The following LEPR variants were observed in gnomAD, a reference collection of about 807,000 sequenced individuals.
LEPR encodes the protein OB receptor.
In LEPR, 56 loss-of-function variants were observed where a neutral mutation model predicts 114.7. That is an observed-to-expected ratio of 0.49 (90% CI 0.39 to 0.61). LEPR has a LOEUF of 0.61. Ranked by LOEUF, LEPR falls within the 20% of genes least tolerant of loss-of-function variation. The pLI is 0.00. For missense variants in LEPR, 1,202 were observed against 1,352.9 expected (o/e 0.89, Z 1.75); for synonymous variants, 443 against 461.4 (o/e 0.96, Z 0.51).
intron 2 of LEPR, among the ~76,000 whole-genome samples, chr1:65,494,361 C>T (rs913775835): frequency 1.3e-5 from 2 of 152,120 alleles, no homozygotes; most frequent in African/African-American, 4.8e-5. Flanking sequence ...AAGTCATTAT[C>T]TCCCCTCCTC....
At chr1:65,518,909 CTTTCTTTCTCTCTTTCTCTG>C (rs1557636343) in intron 2 of LEPR, among the ~76,000 whole-genome samples, 12 of 88,082 alleles carry the variant, frequency 1.4e-4, no homozygotes, top group Middle Eastern at 5.3e-3. Flanking sequence ...TTCTTTCTTT[CTTTCTTTCTCTCTTTCTCTG>C]TTTCTTTCTT....
intron 2 of LEPR, among the ~76,000 whole-genome samples, chr1:65,456,400 C>G (rs1171614678): frequency 6.6e-6 from 1 of 152,118 alleles, no homozygotes; most frequent in Non-Finnish European, 1.5e-5. Context: ...CTGTCCATTT[C>G]TGACAGAGGA....
In LEPR at chr1:65,485,417, G is replaced by T. The variant is rs368988701; in HGVS notation, c.-21+60039G>T. On this transcript the variant is annotated intron_variant, in intron 2 of 19. Coordinates refer to ENST00000349533, the MANE Select transcript of LEPR (RefSeq NM_002303.6). ...TTTTACAAATGAAATAAAAGGCAAA[G>T]ATGAGGGAGCCAGGACCCAAACCCT... Among the ~76,000 whole-genome samples the T allele has an allele frequency of 3.3e-5, 5 of 152,224 alleles. 1 individual carries two copies.
chr1:65,464,885 A>AT (rs1369484787), intron 2 of LEPR, among the ~76,000 whole-genome samples: 2 of 152,104 alleles, frequency 1.3e-5, no homozygotes, highest in Non-Finnish European at 2.9e-5. Flanking sequence ...CCCTTTTATC[A>AT]TTTTTTATTG....
chr1:65,455,326 A>G (rs1346237203), intron 2 of LEPR, among the ~76,000 whole-genome samples: 30 of 152,276 alleles, frequency 2.0e-4, no homozygotes, highest in South Asian at 2.1e-4. Flanking sequence ...TTGCTGGTGA[A>G]GAACTGCATT....
intron 2 of LEPR, among the ~76,000 whole-genome samples, chr1:65,488,226 C>CTCTCTCTCTCTCTCTCTTTCTT (rs1553157734): frequency 8.8e-5 from 6 of 67,958 alleles, no homozygotes; most frequent in African/African-American, 2.6e-4. Context: ...CTCTCTCTCT[C>CTCTCTCTCTCTCTCTCTTTCTT]TCTTTCTTTC....
At chr1:65,518,899 T>TTCTTTC (rs1472264199) in intron 2 of LEPR, among the ~76,000 whole-genome samples, 1 of 98,986 alleles carries the variant, frequency 1.0e-5, no homozygotes, top group African/African-American at 3.6e-5. Flanking sequence ...CTTTCTTTCT[T>TTCTTTC]TCTTTCTTTC....
At chr1:65,522,884 G>C (rs952422491) in intron 2 of LEPR, among the ~76,000 whole-genome samples, 1 of 151,346 alleles carries the variant, frequency 6.6e-6, no homozygotes, top group Non-Finnish European at 1.5e-5. Context: ...ATGAGTCAGG[G>C]TGCTAATCTG....
chr1:65,453,755 C>T (rs1478697288), intron 2 of LEPR, among the ~76,000 whole-genome samples: 1 of 152,110 alleles, frequency 6.6e-6, no homozygotes, highest in East Asian at 1.9e-4. Context: ...AATGTATATT[C>T]TGTTGATTTG....
At chr1:65,510,502 C>T (rs903972324) in intron 2 of LEPR, among the ~76,000 whole-genome samples, 5 of 152,148 alleles carry the variant, frequency 3.3e-5, no homozygotes, top group Non-Finnish European at 7.4e-5. Context: ...GGCCTTTGCT[C>T]CTTCTTTCTG....
intron 2 of LEPR, among the ~76,000 whole-genome samples, chr1:65,438,216 A>C (rs1488707325): frequency 6.7e-6 from 1 of 149,128 alleles, no homozygotes; most frequent in Non-Finnish European, 1.5e-5. Context: ...TTAGGAAATG[A>C]AGTTGTGCTA....
intron 2 of LEPR, among the ~76,000 whole-genome samples, chr1:65,533,794 C>T (rs1267562323): frequency 6.6e-6 from 1 of 152,038 alleles, no homozygotes; most frequent in African/African-American, 2.4e-5. Context: ...AAACTTTAGT[C>T]AATTTGGAGT....
intron 2 of LEPR, among the ~76,000 whole-genome samples, chr1:65,531,987 T>C (rs1650435895): frequency 6.6e-6 from 1 of 152,110 alleles, no homozygotes; most frequent in Non-Finnish European, 1.5e-5. Context: ...GATTCACCAA[T>C]TTGCATTCCT....
intron 2 of LEPR, among the ~76,000 whole-genome samples, chr1:65,547,740 G>T: frequency 7.2e-6 from 1 of 138,144 alleles, no homozygotes; most frequent in African/African-American, 2.8e-5. Context: ...CAATTTTGTT[G>T]ATCCTTTCAA....
At chr1:65,545,696 T>G (rs1651647076) in intron 2 of LEPR, among the ~76,000 whole-genome samples, 1 of 152,272 alleles carries the variant, frequency 6.6e-6, no homozygotes, top group South Asian at 2.1e-4. Flanking sequence ...CATTGTAGAT[T>G]CTGGATATTA....
intron 2 of LEPR, among the ~76,000 whole-genome samples, chr1:65,543,367 T>A (rs1039049510): frequency 1.3e-5 from 2 of 151,986 alleles, no homozygotes; most frequent in Non-Finnish European, 2.9e-5. Context: ...ATATTAGCCC[T>A]TTGTCAGATG....
chr1:65,510,036 T>C (rs1407633636), intron 2 of LEPR, among the ~76,000 whole-genome samples: 3 of 152,192 alleles, frequency 2.0e-5, no homozygotes, highest in Non-Finnish European at 4.4e-5. Context: ...TATCTGGTGA[T>C]GGAAACCACC....
chr1:65,574,454 G>C (rs1260503826), intron 5 of LEPR, among the ~76,000 whole-genome samples: 6 of 152,108 alleles, frequency 3.9e-5, no homozygotes, highest in African/African-American at 1.4e-4. Context: ...AAATTAGGGG[G>C]GGTGGAGCTC....
chr1:65,494,483 T>C (rs1427683312), intron 2 of LEPR, among the ~76,000 whole-genome samples: 1 of 152,152 alleles, frequency 6.6e-6, no homozygotes, highest in Non-Finnish European at 1.5e-5. Context: ...CTTTTGGCTG[T>C]TCTCTCTCCT....
Sources: allele counts gnomAD v4.1 joint callset (sites outside exome capture counted in the v4.1 genomes callset), GRCh38; gene constraint gnomAD v4.1.1; transcripts MANE v1.5; gene names NCBI Gene and HGNC (gene_info 2026-07-23, HGNC 2026-07-21).